Variants in BLTP3B observed in about 807,000 individuals in gnomAD.
BLTP3B encodes bridge-like lipid transfer protein family member 3B, also known as UHRF1 (ICBP90) binding protein 1-like.
At chr12:100,095,981 G>A in the BLTP3B span, 1 of 856,436 alleles carries the variant, frequency 1.2e-6, no homozygotes, top group African/African-American at 1.8e-5. Context: ...GCCGGGCACG[G>A]TGGCTCATGC....
the BLTP3B span, among the ~76,000 whole-genome samples, chr12:100,046,864 A>C: frequency 6.6e-6 from 1 of 152,214 alleles, no homozygotes; most frequent in Admixed American, 6.5e-5. Flanking sequence ...TGCAAAGTGC[A>C]GAGAAGTGCA....
the BLTP3B span, among the ~76,000 whole-genome samples, chr12:100,107,367 T>C: frequency 2.1e-5 from 3 of 143,734 alleles, no homozygotes; most frequent in Non-Finnish European, 3.0e-5. Flanking sequence ...ATACTAACAG[T>C]AAACAGAGAC....
the BLTP3B span, among the ~76,000 whole-genome samples, chr12:100,082,256 T>C: frequency 1.2e-3 from 189 of 152,350 alleles, no homozygotes; most frequent in Non-Finnish European, 2.1e-3. Flanking sequence ...TTAATGGTGT[T>C]TGGTTTTTGC....
the BLTP3B span, among the ~76,000 whole-genome samples, chr12:100,115,587 T>A: frequency 6.6e-6 from 1 of 151,992 alleles, no homozygotes; most frequent in Non-Finnish European, 1.5e-5. Flanking sequence ...CTGGGCAACA[T>A]AGTGAGACCT....
At chr12:100,057,664 T>A in the BLTP3B span, 18,029 of 1,612,878 alleles carry the variant, frequency 0.011, 1,588 homozygotes, top group African/African-American at 0.2. Context: ...TCCAATGACA[T>A]TTGTGAAGAG....
the BLTP3B span, among the ~76,000 whole-genome samples, chr12:100,141,965 T>C: frequency 1.9e-4 from 29 of 151,940 alleles, no homozygotes; most frequent in African/African-American, 6.8e-4. Context: ...GTGGGTCTCA[T>C]AGGACTCCAG....
At chr12:100,067,027 T>C in the BLTP3B span, among the ~76,000 whole-genome samples, 1 of 152,118 alleles carries the variant, frequency 6.6e-6, no homozygotes, top group East Asian at 1.9e-4. Context: ...GGAAATCTAC[T>C]TCAAAGGAAC....
At chr12:100,138,133 A>G in the BLTP3B span, among the ~76,000 whole-genome samples, 1 of 152,176 alleles carries the variant, frequency 6.6e-6, no homozygotes, top group Non-Finnish European at 1.5e-5. Context: ...CAGCCTTCAC[A>G]ACAAAGAACT....
At chr12:100,063,436 G>C in the BLTP3B span, among the ~76,000 whole-genome samples, 1 of 152,148 alleles carries the variant, frequency 6.6e-6, no homozygotes, top group Non-Finnish European at 1.5e-5. Flanking sequence ...GCCAGGCACA[G>C]TGGCTCACGC....
At chr12:100,074,647 C>T in the BLTP3B span, among the ~76,000 whole-genome samples, 1 of 150,236 alleles carries the variant, frequency 6.7e-6, no homozygotes, top group Non-Finnish European at 1.5e-5. Context: ...GACTCAATGT[C>T]ATTCCTATCA....
chr12:100,069,987 G>A, the BLTP3B span: 3 of 1,215,012 alleles, frequency 2.5e-6, no homozygotes, highest in Non-Finnish European at 3.1e-6. Context: ...TGCAATAACA[G>A]ACAATGGCCG....
the BLTP3B span, among the ~76,000 whole-genome samples, chr12:100,104,274 G>A: frequency 5.5e-5 from 8 of 145,418 alleles, no homozygotes; most frequent in African/African-American, 7.7e-5. Context: ...GCACGATATC[G>A]GCTCACTGCA....
At chr12:100,079,888 G>A in the BLTP3B span, among the ~76,000 whole-genome samples, 1 of 152,208 alleles carries the variant, frequency 6.6e-6, no homozygotes. Context: ...TGGATGAAAG[G>A]GGCCAACACA....
At chr12:100,089,332 G>T in the BLTP3B span, among the ~76,000 whole-genome samples, 1 of 152,184 alleles carries the variant, frequency 6.6e-6, no homozygotes, top group Non-Finnish European at 1.5e-5. Flanking sequence ...GCCGAGGCAG[G>T]CGAATCATCT....
the BLTP3B span, among the ~76,000 whole-genome samples, chr12:100,111,365 C>T: frequency 2.2e-5 from 3 of 136,872 alleles, no homozygotes; most frequent in Non-Finnish European, 3.0e-5. Flanking sequence ...GTGATCATGG[C>T]TCATTTCAAC....
At chr12:100,142,278 C>G in the BLTP3B span, among the ~76,000 whole-genome samples, 1 of 152,242 alleles carries the variant, frequency 6.6e-6, no homozygotes, top group Middle Eastern at 3.2e-3. Flanking sequence ...CGCTCAGTAC[C>G]GCACAGAGCC....
the BLTP3B span, among the ~76,000 whole-genome samples, chr12:100,101,959 G>A: frequency 1.6e-4 from 24 of 148,950 alleles, 1 homozygote; most frequent in Middle Eastern, 7.3e-3. Flanking sequence ...GTATACCACC[G>A]CACCCAGTTT....
chr12:100,099,538 G>A, the BLTP3B span, among the ~76,000 whole-genome samples: 1 of 150,272 alleles, frequency 6.7e-6, no homozygotes, highest in Non-Finnish European at 1.5e-5. Flanking sequence ...CTTGAACCTA[G>A]GAGTTCAAGA....
the BLTP3B span, chr12:100,037,699 A>G: frequency 3.1e-6 from 5 of 1,611,678 alleles, no homozygotes; most frequent in Non-Finnish European, 4.2e-6. Context: ...GAGCCTCTGC[A>G]AGAGCCATTT....
Sources: gnomAD v4.1 joint callset for allele counts (sites outside exome capture counted in the v4.1 genomes callset) on GRCh38, gnomAD v4.1.1 for gene constraint, MANE v1.5 for transcripts, NCBI Gene and HGNC (gene_info 2026-07-23, HGNC 2026-07-21) for gene names.